MOCOS: variants seen among roughly 807,000 people sequenced by gnomAD.
The protein encoded by MOCOS is human molybdenum cofactor sulfurase.
In MOCOS, 86 loss-of-function variants were observed where a neutral mutation model predicts 83.6. That is an observed-to-expected ratio of 1.03 (90% CI 0.86 to 1.23). The LOEUF (loss-of-function observed/expected upper bound fraction) is 1.23, where lower values mean the gene tolerates loss of function less well. MOCOS is among the 50% of genes most tolerant of loss of function. The probability of loss-of-function intolerance (pLI) is 0.00; values close to 1 mark genes in which losing one functional copy is unlikely to be tolerated. For synonymous variants in MOCOS, 445 were observed against 434.7 expected (o/e 1.02, Z -0.29); for missense variants, 1,120 against 1,126.9 (o/e 0.99, Z 0.09).
In MOCOS at chr18:36,271,086, C is replaced by T. The variant is rs1362467641; in HGVS notation, c.*2401C>T. ...AAGCCATCCTCCCGCCACAGCCTCCCAAAGTTCTGGGATTACAAGTGTGAG... is the reference window on the plus strand; with the variant it reads ...AAGCCATCCTCCCGCCACAGCCTCCTAAAGTTCTGGGATTACAAGTGTGAG... On this transcript the variant is annotated 3_prime_UTR_variant, in exon 15 of 15. Coordinates refer to ENST00000261326, the MANE Select transcript of MOCOS (RefSeq NM_017947.4). The T allele has an allele frequency of 6.6e-6, 1 of 152,138 alleles. No individual in the cohort carries two copies. The highest frequency in any genetic ancestry group is 1.9e-4 in the East Asian group (1 of 5,190). The allele number at this position is 152,138 out of a possible 1,614,324, so 9.4% of individuals were successfully genotyped here. A position where few individuals can be genotyped will look rare whatever the true frequency, so the allele number is the denominator to read the frequency against.
At chr18:36,194,403 CAG>C (rs1212946378) in intron 1 of MOCOS, among the ~76,000 whole-genome samples, 2 of 152,104 alleles carry the variant, frequency 1.3e-5, no homozygotes, top group African/African-American at 4.8e-5. Context: ...TGTTTCATGT[CAG>C]TACTTATTAT....
At chr18:36,256,858 T>C in intron 11 of MOCOS, 110 bp from the exon 12 acceptor site, 4 of 962,842 alleles carry the variant, frequency 4.2e-6, no homozygotes, top group South Asian at 1.3e-5. Flanking sequence ...TCACTTTTTT[T>C]CCCTTGTAGA....
chr18:36,245,713 A>G (rs2091599982), intron 9 of MOCOS, among the ~76,000 whole-genome samples: 1 of 152,172 alleles, frequency 6.6e-6, no homozygotes, highest in Non-Finnish European at 1.5e-5. Context: ...ATTCCCTCAA[A>G]TAAGTTTTCC....
intron 12 of MOCOS, among the ~76,000 whole-genome samples, chr18:36,258,151 A>C: frequency 6.6e-6 from 1 of 150,392 alleles, no homozygotes; most frequent in South Asian, 2.1e-4. Flanking sequence ...TCGTGTGGAA[A>C]GATAGGAGGT....
chr18:36,220,878 C>G (rs547069028), intron 9 of MOCOS, among the ~76,000 whole-genome samples: 1 of 150,806 alleles, frequency 6.6e-6, no homozygotes, highest in Admixed American at 6.6e-5. Context: ...GCAGTGAGCC[C>G]AGATCGCACC....
At chr18:36,202,501 G>A (rs559046904) in intron 4 of MOCOS, among the ~76,000 whole-genome samples, 2 of 152,258 alleles carry the variant, frequency 1.3e-5, no homozygotes, top group East Asian at 3.9e-4. Flanking sequence ...GCCACCCTAG[G>A]AAATTTAGAG....
chr18:36,257,538 A>G (rs986283013), intron 12 of MOCOS, among the ~76,000 whole-genome samples: 1 of 152,248 alleles, frequency 6.6e-6, no homozygotes, highest in Non-Finnish European at 1.5e-5. Context: ...AAGATGCACC[A>G]CAGATGGAAT....
In MOCOS at chr18:36,257,295, G is replaced by T. The variant is rs180986030; in HGVS notation, c.2270+222G>T. 2.6e-4 allele frequency among the ~76,000 whole-genome samples: 39 copies of T among 152,042 alleles called. No individual in the cohort carries two copies. In the East Asian group the frequency reaches 7.5e-3, roughly 29 times the overall value. ...CTTTTATCTTACAAAGATCCTTTTT[G>T]ATATCCTCAAGATGGTTAATGGAGA... is the stretch of plus-strand genomic sequence containing the variant. On this transcript the variant is annotated intron_variant, in intron 12 of 14. Transcript: ENST00000261326.
At chr18:36,216,800 A>G (rs1410091761) in intron 8 of MOCOS, among the ~76,000 whole-genome samples, 2 of 152,232 alleles carry the variant, frequency 1.3e-5, no homozygotes, top group Admixed American at 1.3e-4. Flanking sequence ...TTTACAATGG[A>G]GAAACCTAAT....
At position 36,201,644 on chromosome 18, in the gene MOCOS, C is replaced by T. The variant is rs550999058; in HGVS notation, c.941+1320C>T. ...ACCCACTGCACTCTAGCCCTGGTGA[C>T]AGAGCAAGACTCCATCTCCAAAAAA... On this transcript the variant is annotated intron_variant, in intron 4 of 14. Transcript: ENST00000261326. Among the ~76,000 whole-genome samples, 161 of 112,322 alleles carry T rather than the reference C, an allele frequency of 1.4e-3. 4 individuals are homozygous for T. The highest frequency in any genetic ancestry group is 5.1e-3 in the African/African-American group (156 of 30,398). 73.7% of individuals were successfully genotyped at this position (112,322 alleles called of 152,430 possible).
intron 1 of MOCOS, among the ~76,000 whole-genome samples, chr18:36,191,184 C>T (rs1171338095): frequency 6.6e-6 from 1 of 152,062 alleles, no homozygotes; most frequent in Admixed American, 6.5e-5. Flanking sequence ...AGCCATGACT[C>T]CTATACAGCC....
intron 9 of MOCOS, among the ~76,000 whole-genome samples, chr18:36,229,904 A>G (rs748546427): frequency 1.3e-4 from 20 of 151,896 alleles, no homozygotes; most frequent in Non-Finnish European, 2.2e-4. Context: ...TTGTTCATGC[A>G]CTGTTCTCTT....
chr18:36,250,383 C>T (rs1382544484), intron 10 of MOCOS, among the ~76,000 whole-genome samples: 3 of 152,188 alleles, frequency 2.0e-5, no homozygotes, highest in African/African-American at 7.2e-5. Flanking sequence ...GCTAAAGCTA[C>T]ATCCAAGTTG....
chr18:36,190,836 G>C (rs1049539677), intron 1 of MOCOS, among the ~76,000 whole-genome samples: 3 of 151,560 alleles, frequency 2.0e-5, no homozygotes, highest in African/African-American at 4.8e-5. Context: ...ACTTTGGGAG[G>C]CCAGCCTGGC....
At chr18:36,251,552 T>G (rs186685429) in intron 11 of MOCOS, among the ~76,000 whole-genome samples, 7 of 152,302 alleles carry the variant, frequency 4.6e-5, no homozygotes, top group Admixed American at 3.3e-4. Context: ...TTCAAAAGCA[T>G]AATTAATCCA....
At chr18:36,198,793 T>G (rs1159552906) in intron 3 of MOCOS, 37 bp downstream of exon 3, 77 of 1,602,518 alleles carry the variant, frequency 4.8e-5, no homozygotes, top group Non-Finnish European at 6.4e-5. Flanking sequence ...TGGGCATACC[T>G]AGGCAGACAG....
intron 14 of MOCOS, among the ~76,000 whole-genome samples, chr18:36,267,315 A>G (rs1418462866): frequency 6.6e-6 from 1 of 152,244 alleles, no homozygotes. Context: ...CAGATTATAG[A>G]AACTGAACTT....
At chr18:36,190,760 A>C (rs1056701005) in intron 1 of MOCOS, among the ~76,000 whole-genome samples, 34 of 152,126 alleles carry the variant, frequency 2.2e-4, no homozygotes, top group African/African-American at 8.0e-4. Context: ...AAAAAAACAA[A>C]AAAACAAAAC....
intron 6 of MOCOS, among the ~76,000 whole-genome samples, chr18:36,212,923 C>T (rs568122516): frequency 1.3e-5 from 2 of 152,310 alleles, no homozygotes; most frequent in African/African-American, 2.4e-5. Flanking sequence ...GCAAACATCC[C>T]AGGGGCTCAT....
Sources: gnomAD v4.1 joint callset for allele counts (sites outside exome capture counted in the v4.1 genomes callset) on GRCh38, gnomAD v4.1.1 for gene constraint, MANE v1.5 for transcripts, NCBI Gene and HGNC (gene_info 2026-07-23, HGNC 2026-07-21) for gene names.